SCN2A: variants seen among roughly 807,000 people sequenced by gnomAD.
SCN2A encodes sodium channel protein type 2 subunit alpha.
A neutral mutation model predicts 188.7 loss-of-function variants in SCN2A; 20 were observed. That is an observed-to-expected ratio of 0.11 (90% CI 0.07 to 0.15). The LOEUF is 0.15. SCN2A is among the 10% of genes least tolerant of loss of function. The pLI is 1.00. For missense variants in SCN2A, 1,278 were observed against 2,445.0 expected, an observed-to-expected ratio of 0.52 and a Z score of 10.07; for synonymous variants, 804 against 833.1, an observed-to-expected ratio of 0.97 and a Z score of 0.60.
chr2:165,332,151 G>A (rs1439598962), intron 14 of SCN2A, among the ~76,000 whole-genome samples: 1 of 151,672 alleles, frequency 6.6e-6, no homozygotes, highest in East Asian at 1.9e-4. Flanking sequence ...TTTTAAAGTG[G>A]TCTTATACAG....
At chr2:165,350,677 T>A (rs1699860075) in intron 16 of SCN2A, among the ~76,000 whole-genome samples, 1 of 94,124 alleles carries the variant, frequency 1.1e-5, no homozygotes, top group African/African-American at 4.5e-5. Flanking sequence ...TTTCACCGTT[T>A]TAGCCGGGAT....
chr2:165,291,035 C>CTTTTTTT (rs55979694), intron 1 of SCN2A, among the ~76,000 whole-genome samples: 35 of 79,954 alleles, frequency 4.4e-4, no homozygotes, highest in Admixed American at 1.1e-3. Context: ...TCTTTTCTTT[C>CTTTTTTT]TTTTTTTTTT....
Position 165,389,915 on chromosome 2 carries a change from T to G in SCN2A, c.*91T>G. ...GTCAACAGGACTCCCACAGGAGGTCTATGCCAAACTGACTGTTTTTACAAA... is the reference window on the plus strand; with the variant it reads ...GTCAACAGGACTCCCACAGGAGGTCGATGCCAAACTGACTGTTTTTACAAA... On this transcript the variant is annotated 3_prime_UTR_variant, in exon 27 of 27. Coordinates refer to ENST00000375437, the MANE Select transcript of SCN2A (RefSeq NM_001040142.2). The surrounding 1 kb of genome is among the most constrained non-coding windows in gnomAD (Gnocchi z 4.2). 1.3e-6 allele frequency: 2 copies of G among 1,521,004 alleles called. No homozygotes were observed. The highest frequency in any genetic ancestry group is 1.8e-6 in the Non-Finnish European group (2 of 1,142,262). The allele number at this position is 1,521,004 out of a possible 1,614,324, so 94.2% of individuals were successfully genotyped here.
At chr2:165,372,648 A>G (rs998955009) in intron 20 of SCN2A, 1 of 152,166 alleles carries the variant, frequency 6.6e-6, no homozygotes, top group African/African-American at 2.4e-5. Flanking sequence ...TAAAATCTCA[A>G]CTTTTTTTAT....
intron 25 of SCN2A, among the ~76,000 whole-genome samples, chr2:165,386,281 C>T (rs1238151330): frequency 2.0e-5 from 3 of 151,606 alleles, no homozygotes; most frequent in Non-Finnish European, 2.9e-5. Context: ...CTGACCAATA[C>T]GGTGAAATCC....
In SCN2A at chr2:165,291,436, CTCTTTCTTTCTTTCTTTCTTTCTT is replaced by C. The variant is rs1220470911; in HGVS notation, c.-51-4303_-51-4280del. 6.3e-4 allele frequency among the ~76,000 whole-genome samples: 41 copies of C among 65,436 alleles called. 1 individual carries two copies. The East Asian group carries it at 0.014, about 23-fold the overall frequency. 42.9% of individuals were successfully genotyped at this position (65,436 alleles called of 152,430 possible). ...CCTTCCTCCCTGTCTGTCTTTCTTTCTCTTTCTTTCTTTCTTTCTTTCTTTCTTTCTTTCTTTCTTTCTTTCTTT... is the reference window on the plus strand; with the variant it reads ...CCTTCCTCCCTGTCTGTCTTTCTTTCTCTTTCTTTCTTTCTTTCTTTCTTT... On this transcript the variant is annotated intron_variant, in intron 1 of 26. Coordinates refer to ENST00000375437, the MANE Select transcript of SCN2A (RefSeq NM_001040142.2).
rs185945374 is a variant in SCN2A at position 165,266,684 on chromosome 2, C to T, written c.-52+27044C>T. The T allele has an allele frequency of 1.3e-3, 195 of 152,204 alleles. 1 individual carries two copies. The highest frequency in any genetic ancestry group is 4.1e-3 in the African/African-American group (171 of 41,540). The allele number at this position is 152,204 out of a possible 1,614,324, so 9.4% of individuals were successfully genotyped here. On this transcript the variant is annotated intron_variant, in intron 1 of 26. Transcript: ENST00000375437. ...CTTTTGCCTGGGCTCTTGCAATAGG[C>T]TTTTATCTTATATCCTACCGTAAAA...
chr2:165,303,465 C>A (rs1696950722), intron 3 of SCN2A, among the ~76,000 whole-genome samples: 1 of 151,736 alleles, frequency 6.6e-6, no homozygotes. Flanking sequence ...TTAGTAGAGA[C>A]GGTATTTCAC....
At chr2:165,349,022 C>T (rs1229742866) in intron 16 of SCN2A, among the ~76,000 whole-genome samples, 1 of 152,176 alleles carries the variant, frequency 6.6e-6, no homozygotes, top group Non-Finnish European at 1.5e-5. Context: ...CTACTATAAT[C>T]CCCAAGACAA....
intron 1 of SCN2A, among the ~76,000 whole-genome samples, chr2:165,241,277 G>T (rs1176915624): frequency 6.6e-6 from 1 of 152,134 alleles, no homozygotes; most frequent in African/African-American, 2.4e-5. Context: ...AAGCATCCAA[G>T]AAAACTGAAT....
chr2:165,259,947 T>A (rs1446729200), intron 1 of SCN2A, among the ~76,000 whole-genome samples: 1 of 145,390 alleles, frequency 6.9e-6, no homozygotes, highest in Non-Finnish European at 1.5e-5. Flanking sequence ...TTTTTTTTTT[T>A]TTTTTTTTTG....
At chr2:165,303,269 A>ATTTTTTT (rs1162474748) in intron 3 of SCN2A, among the ~76,000 whole-genome samples, 10 of 79,746 alleles carry the variant, frequency 1.3e-4, no homozygotes, top group South Asian at 4.5e-4. Flanking sequence ...TTGTTATTTG[A>ATTTTTTT]GTTTTTTTTT....
intron 14 of SCN2A, among the ~76,000 whole-genome samples, chr2:165,340,884 T>C (rs1391908542): frequency 1.3e-5 from 2 of 152,168 alleles, no homozygotes; most frequent in Admixed American, 1.3e-4. Context: ...TTTGGATTTA[T>C]TGGTGATGTC....
At chr2:165,383,092 T>G (rs1420167992) in intron 25 of SCN2A, among the ~76,000 whole-genome samples, 1 of 152,144 alleles carries the variant, frequency 6.6e-6, no homozygotes, top group African/African-American at 2.4e-5. Context: ...ATTGACAATA[T>G]GTACTATGTA....
In SCN2A at chr2:165,313,507, C is replaced by T. The variant is rs150525722; in HGVS notation, c.1035-113C>T. 1.5e-3 allele frequency: 1,780 copies of T among 1,181,204 alleles called. 22 individuals carry two copies. In the African/African-American group the frequency reaches 0.021, roughly 14 times the overall value. 73.2% of individuals were successfully genotyped at this position (1,181,204 alleles called of 1,614,324 possible). On this transcript the variant is annotated intron_variant, in intron 8 of 26. Transcript: ENST00000375437. ...AAGTACTGGGTAAGGTGAGAGAAAT[C>T]GGCTTTTTTCTAGTGCCTGTATAAA...
chr2:165,344,167 T>C (rs1574640192), intron 15 of SCN2A, among the ~76,000 whole-genome samples: 2 of 152,138 alleles, frequency 1.3e-5, no homozygotes, highest in Non-Finnish European at 2.9e-5. Flanking sequence ...TACTTGAAAA[T>C]TTGGTGTATC....
intron 1 of SCN2A, among the ~76,000 whole-genome samples, chr2:165,265,471 C>CTCTCTATATATATATA (rs1380825419): frequency 3.4e-5 from 1 of 29,018 alleles, no homozygotes; most frequent in African/African-American, 1.3e-4. Context: ...CTCTGTTGAT[C>CTCTCTATATATATATA]TATATATATA....
chr2:165,356,519 A>G (rs1700188957), intron 17 of SCN2A, among the ~76,000 whole-genome samples: 1 of 152,142 alleles, frequency 6.6e-6, no homozygotes, highest in South Asian at 2.1e-4. Flanking sequence ...ATTATTTTGA[A>G]ATTATGCCTA....
At chr2:165,360,166 C>T (rs988453412) in intron 17 of SCN2A, among the ~76,000 whole-genome samples, 4 of 151,686 alleles carry the variant, frequency 2.6e-5, no homozygotes, top group Admixed American at 1.3e-4. Flanking sequence ...ATGTTTTCTT[C>T]GAAATGTATC....
Sources: allele counts gnomAD v4.1 joint callset (sites outside exome capture counted in the v4.1 genomes callset), GRCh38; gene constraint gnomAD v4.1.1; non-coding constraint Gnocchi (gnomAD v3.1); transcripts MANE v1.5; gene names NCBI Gene and HGNC (gene_info 2026-07-23, HGNC 2026-07-21).